The following AKAP13 variants were observed in gnomAD, a reference collection of about 807,000 sequenced individuals.
The protein encoded by AKAP13 is A-kinase anchor protein 13.
Under a neutral mutation model 264.5 loss-of-function variants are expected in AKAP13, and 80 were observed. That is an observed-to-expected ratio of 0.30 (90% CI 0.25 to 0.36). AKAP13 has a LOEUF of 0.36. Ranked by LOEUF, AKAP13 falls within the 10% of genes least tolerant of loss-of-function variation. The pLI is 1.00. For missense variants in AKAP13, 3,712 were observed against 3,435.2 expected (o/e 1.08, Z -2.01); for synonymous variants, 1,380 against 1,250.2 (o/e 1.10, Z -2.19).
intron 8 of AKAP13, among the ~76,000 whole-genome samples, chr15:85,595,333 C>T (rs907097518): frequency 6.6e-5 from 10 of 151,974 alleles, no homozygotes; most frequent in Admixed American, 2.0e-4. Flanking sequence ...CTCCTGGACT[C>T]AGTGACCCTC....
chr15:85,640,122 G>T (rs564775055), intron 9 of AKAP13, among the ~76,000 whole-genome samples: 9 of 152,320 alleles, frequency 5.9e-5, no homozygotes, highest in African/African-American at 2.2e-4. Context: ...TCTGTGTGAT[G>T]TAAAGTATGT....
rs533132226 is a variant in AKAP13, at chr15:85,422,766, C to G, written c.-12+41968C>G. On this transcript the variant is annotated intron_variant, in intron 1 of 36. Coordinates refer to ENST00000394518, the MANE Select transcript of AKAP13 (RefSeq NM_007200.5). The stretch of plus-strand genomic sequence containing the variant: ...AACCCATCTCAGCAATGCAGATGTT[C>G]TGCAGTAAAATAGGTGACTTATTAA... Among the ~76,000 whole-genome samples the G allele has an allele frequency of 1.1e-4, 17 of 152,156 alleles. No individual in the cohort carries two copies. In the South Asian group the frequency reaches 3.3e-3, roughly 30 times the overall value.
In AKAP13 at chr15:85,556,075, A is replaced by C. The variant is rs531762232; in HGVS notation, c.662+12120A>C. 3.3e-5 allele frequency among the ~76,000 whole-genome samples: 5 copies of C among 152,206 alleles called. 1 individual carries two copies. Among genetic ancestry groups the C allele is most frequent in the Admixed American group, 2.6e-4 (4 of 15,286 alleles). ...TAGTGGAAGGAGGCACATAAGTTTT[A>C]GAGTTAGCTCTGAGTACAGATTGTG... On this transcript the variant is annotated intron_variant, in intron 5 of 36. Transcript: ENST00000394518.
At chr15:85,624,385 T>A (rs2081318014) in intron 8 of AKAP13, 1 of 152,220 alleles carries the variant, frequency 6.6e-6, no homozygotes, top group Non-Finnish European at 1.5e-5. Context: ...ACGAGCTCAT[T>A]GGCTAAGGCT....
Position 85,645,999 on chromosome 15 carries a change from G to A in AKAP13, c.4374+45G>A, listed in dbSNP as rs568900735. Reference sequence around the variant, plus strand: ...TTCATTTTTGTCACACGGCTTTTGTGTTCCTATTTGGGCTTCCCAAACTCT... The same window carrying A: ...TTCATTTTTGTCACACGGCTTTTGTATTCCTATTTGGGCTTCCCAAACTCT... On this transcript the variant is annotated intron_variant, in intron 10 of 36. Coordinates refer to ENST00000394518, the MANE Select transcript of AKAP13 (RefSeq NM_007200.5). 4 of 1,592,840 alleles carry A rather than the reference G, an allele frequency of 2.5e-6. No individual in the cohort carries two copies. The Admixed American group carries it at 5.3e-5, about 21-fold the overall frequency.
In AKAP13 at chr15:85,426,363, G is replaced by C. The variant is rs574476662; in HGVS notation, c.-12+45565G>C. 3.3e-5 allele frequency among the ~76,000 whole-genome samples: 5 copies of C among 152,336 alleles called. No individual in the cohort carries two copies. In the South Asian group the frequency reaches 1.0e-3, roughly 32 times the overall value. On this transcript the variant is annotated intron_variant, in intron 1 of 36. Coordinates refer to ENST00000394518, the MANE Select transcript of AKAP13 (RefSeq NM_007200.5). ...TGTGCGAGTGAGCCTTTACTGTTTA[G>C]TGGGCTCTGTGATTACTGTCTAGGA... is the stretch of plus-strand genomic sequence containing the variant.
intron 2 of AKAP13, among the ~76,000 whole-genome samples, chr15:85,499,642 A>G (rs2075986360): frequency 6.6e-6 from 1 of 151,830 alleles, no homozygotes; most frequent in Non-Finnish European, 1.5e-5. Context: ...CTCTCTCTGA[A>G]CTGCACCCCC....
chr15:85,433,369 C>A (rs565885627), intron 1 of AKAP13, among the ~76,000 whole-genome samples: 1 of 152,112 alleles, frequency 6.6e-6, no homozygotes, highest in Non-Finnish European at 1.5e-5. Context: ...GTGACCACTT[C>A]TTATTTCATT....
chr15:85,452,258 A>T, intron 1 of AKAP13, among the ~76,000 whole-genome samples: 2 of 147,174 alleles, frequency 1.4e-5, no homozygotes, highest in Non-Finnish European at 1.5e-5. Flanking sequence ...TTCATCCTTC[A>T]GCTCCTGTAT....
At chr15:85,524,707 A>G (rs542162819) in intron 3 of AKAP13, among the ~76,000 whole-genome samples, 1 of 152,316 alleles carries the variant, frequency 6.6e-6, no homozygotes, top group East Asian at 1.9e-4. Context: ...ATTCTAAATT[A>G]TCTCCTAATA....
chr15:85,455,399 G>A (rs1325614178), intron 1 of AKAP13, among the ~76,000 whole-genome samples: 4 of 152,030 alleles, frequency 2.6e-5, no homozygotes, highest in Admixed American at 6.6e-5. Context: ...GGGACACGAG[G>A]CATATTCTCC....
chr15:85,563,318 A>G (rs1476276486), intron 5 of AKAP13, among the ~76,000 whole-genome samples: 1 of 139,790 alleles, frequency 7.2e-6, no homozygotes, highest in Non-Finnish European at 1.5e-5. Context: ...TCATTTGAGT[A>G]GAATGTGCTT....
chr15:85,575,397 C>T (rs185976929), intron 6 of AKAP13, 68 bp downstream of exon 6: 11 of 1,430,978 alleles, frequency 7.7e-6, no homozygotes, highest in Middle Eastern at 2.1e-4. Context: ...GTGTGTGTCC[C>T]CGCCCTCCTC....
intron 5 of AKAP13, among the ~76,000 whole-genome samples, chr15:85,550,157 C>T (rs1239677796): frequency 1.3e-5 from 2 of 152,132 alleles, no homozygotes; most frequent in African/African-American, 4.8e-5. Flanking sequence ...CCTCGTGATC[C>T]GCCTGCCTTG....
At position 85,682,163 on chromosome 15, in the gene AKAP13, C is replaced by T. The variant is rs1036616007; in HGVS notation, c.5107C>T (p.Arg1703Trp). ...TISHPGLDNSRPFHSTFHNTS... is the reference protein window; with the variant it reads ...TISHPGLDNSWPFHSTFHNTS... ...TTTTCTGCCTTGTTTTCTAGATTCACGGCCCTTCCACAGTACCTTCCACAA... is the reference window on the plus strand; with the variant it reads ...TTTTCTGCCTTGTTTTCTAGATTCATGGCCCTTCCACAGTACCTTCCACAA... Residue 1703 changes from arginine to tryptophan, a missense_variant, in exon 15 of 37, where the codon CGG becomes TGG. Physicochemically the swap from Arg to Trp is moderately radical, Grantham distance 101. Coordinates refer to ENST00000394518, the MANE Select transcript of AKAP13 (RefSeq NM_007200.5). The T allele has an allele frequency of 3.1e-6, 5 of 1,613,306 alleles. No homozygotes were observed. In the African/African-American group the frequency reaches 4.0e-5, roughly 13 times the overall value.
At chr15:85,465,300 G>A (rs2074688331) in intron 1 of AKAP13, among the ~76,000 whole-genome samples, 3 of 151,810 alleles carry the variant, frequency 2.0e-5, no homozygotes, top group Non-Finnish European at 4.4e-5. Context: ...TTCTTTAGTA[G>A]GCTAGAGATC....
At chr15:85,650,406 G>A (rs1459098215) in intron 10 of AKAP13, among the ~76,000 whole-genome samples, 2 of 152,176 alleles carry the variant, frequency 1.3e-5, no homozygotes, top group Non-Finnish European at 2.9e-5. Flanking sequence ...ACTCCAGCCT[G>A]GGCAACAGAG....
chr15:85,576,632 A>G (rs575252981), intron 6 of AKAP13, among the ~76,000 whole-genome samples: 6 of 152,358 alleles, frequency 3.9e-5, no homozygotes, highest in South Asian at 2.1e-4. Flanking sequence ...GGTCAGCTCA[A>G]TGCCAGAGGC....
chr15:85,597,058 G>A (rs989202749), intron 8 of AKAP13, among the ~76,000 whole-genome samples: 11 of 152,118 alleles, frequency 7.2e-5, no homozygotes, highest in African/African-American at 2.7e-4. Flanking sequence ...GTTCCCTTTT[G>A]ATTTATGTAA....
Sources: gnomAD v4.1 joint callset for allele counts (sites outside exome capture counted in the v4.1 genomes callset) on GRCh38, gnomAD v4.1.1 for gene constraint, MANE v1.5 for transcripts, NCBI Gene and HGNC (gene_info 2026-07-23, HGNC 2026-07-21) for gene names.